VWA5B1: variants seen among roughly 807,000 people sequenced by gnomAD.
VWA5B1 encodes von Willebrand factor A domain-containing protein 5B1.
Under a neutral mutation model 118.2 loss-of-function variants are expected in VWA5B1, and 115 were observed. The observed-to-expected ratio is 0.97, with a 90% CI of 0.84 to 1.14. The LOEUF (loss-of-function observed/expected upper bound fraction) is 1.14, where lower values mean the gene tolerates loss of function less well. Among genes scored for constraint, VWA5B1 ranks in the 50% most tolerant of loss-of-function variants. The probability of loss-of-function intolerance (pLI) is 0.00; values close to 1 mark genes in which losing one functional copy is unlikely to be tolerated. For missense variants in VWA5B1, 1,596 were observed against 1,603.8 expected, an observed-to-expected ratio of 1.00 and a Z score of 0.08; for synonymous variants, 682 against 658.4, an observed-to-expected ratio of 1.04 and a Z score of -0.55.
At chr1:20,294,146 A>C (rs1383311549) in intron 1 of VWA5B1, 2 of 152,210 alleles carry the variant, frequency 1.3e-5, no homozygotes, top group Admixed American at 1.3e-4. Context: ...GTCATCAATT[A>C]CCCAAGCTTA....
At chr1:20,341,607 A>T (rs1383354991) in intron 14 of VWA5B1, among the ~76,000 whole-genome samples, 1 of 152,240 alleles carries the variant, frequency 6.6e-6, no homozygotes, top group Admixed American at 6.5e-5. Context: ...AACGGCCTGC[A>T]AATGCCCTTA....
rs1424541178 is a variant in VWA5B1, at chr1:20,354,008, A to T, written c.3393A>T (p.Ala1131=). ...AKGKLGLEPR[A]VVEHTGKLWA... ...GCAAGCTGGGCCTGGAGCCGAGGGC[A>T]GTGGTGGAGCACACTGGGAAGCTGT... Residue 1131 remains alanine, a synonymous_variant, in exon 22 of 22, where the codon GCA becomes GCT. Transcript: ENST00000289815. The T allele has an allele frequency of 6.4e-7, 1 of 1,551,734 alleles. No homozygotes were observed.
chr1:20,345,566 C>T lies in VWA5B1; in HGVS notation c.2737C>T (p.Pro913Ser). The change falls in exon 17 of 22, where the codon CCC (proline) becomes TCC (serine). Residue 913 changes from proline (P) to serine (S), a missense_variant. Transcript: ENST00000289815. ...PVDVSKSRYLPTVVEYPNSGA... is the reference protein window; with the variant it reads ...PVDVSKSRYLSTVVEYPNSGA... The stretch of plus-strand genomic sequence containing the variant: ...GGACGTGAGCAAGAGCCGGTACCTG[C>T]CCACCGTGGTGGAGTACCCCAACTC... 2 of 1,550,386 alleles carry T rather than the reference C, an allele frequency of 1.3e-6. No homozygotes were observed. The highest frequency in any genetic ancestry group is 1.2e-5 in the South Asian group (1 of 83,986).
chr1:20,323,477 T>A lies in VWA5B1; in HGVS notation c.1088T>A (p.Ile363Asn). The change falls in exon 8 of 22, where the codon ATC becomes AAC. Residue 363 changes from isoleucine to asparagine, a missense_variant. Ile to Asn is a moderately radical substitution (Grantham distance 149). Transcript: ENST00000289815. ...PCLRKAHGEF[I>N]FLIDRSSSMS... is the part of the protein sequence containing the mutation. Reference sequence around the variant, plus strand: ...CTGAGAAAGGCCCACGGGGAGTTCATCTTCCTCATTGACAGGAGCAGCAGC... The same window carrying A: ...CTGAGAAAGGCCCACGGGGAGTTCAACTTCCTCATTGACAGGAGCAGCAGC... 6.5e-7 allele frequency: 1 copy of A among 1,532,898 alleles called. No individual in the cohort carries two copies. Among genetic ancestry groups the A allele is most frequent in the Non-Finnish European group, 8.8e-7 (1 of 1,138,450 alleles). 95.0% of individuals were successfully genotyped at this position (1,532,898 alleles called of 1,614,324 possible). A position where few individuals can be genotyped will look rare whatever the true frequency, so the allele number is the denominator to read the frequency against.
chr1:20,342,129 CA>C (rs60635945), intron 14 of VWA5B1, among the ~76,000 whole-genome samples: 4,606 of 139,046 alleles, frequency 0.033, 87 homozygotes, highest in African/African-American at 0.055. Flanking sequence ...AACTTTATGG[CA>C]AAAAAAAAAA....
chr1:20,345,910 A>G (rs1437429855), intron 17 of VWA5B1, among the ~76,000 whole-genome samples: 1 of 152,268 alleles, frequency 6.6e-6, no homozygotes, highest in Non-Finnish European at 1.5e-5. Context: ...AAGATATAAA[A>G]TGTAAAAAAT....
At chr1:20,303,029 TAGA>T (rs1348491420) in intron 1 of VWA5B1, 1 of 152,208 alleles carries the variant, frequency 6.6e-6, no homozygotes, top group Non-Finnish European at 1.5e-5. Flanking sequence ...CCCAGAATTC[TAGA>T]AGGTTAGGAC....
Position 20,336,451 on chromosome 1 carries a change from C to A in VWA5B1, c.1907C>A (p.Ala636Asp), listed in dbSNP as rs147563081. The A allele has an allele frequency of 3.8e-3, 5,624 of 1,477,336 alleles. 15 individuals carry two copies. The highest frequency in any genetic ancestry group is 4.6e-3 in the Non-Finnish European group (5,049 of 1,107,142). 91.5% of individuals were successfully genotyped at this position (1,477,336 alleles called of 1,614,324 possible). A position where few individuals can be genotyped will look rare whatever the true frequency, so the allele number is the denominator to read the frequency against. Reference protein sequence around the residue: ...APFILGQAKNARLASGDSTTK... With the variant: ...APFILGQAKNDRLASGDSTTK... ...TTCATCCTAGGGCAGGCCAAAAATGCCCGGCTAGCCAGCGGAGACTCTACC... is the reference window on the plus strand; with the variant it reads ...TTCATCCTAGGGCAGGCCAAAAATGACCGGCTAGCCAGCGGAGACTCTACC... The change falls in exon 13 of 22, where the codon GCC becomes GAC. Residue 636 changes from alanine to aspartate, a missense_variant. Physicochemically the swap from Ala to Asp is moderately radical, Grantham distance 126. Transcript: ENST00000289815.
intron 8 of VWA5B1, among the ~76,000 whole-genome samples, chr1:20,326,559 G>A (rs1046963645): frequency 2.0e-5 from 3 of 152,140 alleles, no homozygotes; most frequent in East Asian, 1.9e-4. Flanking sequence ...TCCGCCTCCC[G>A]GGTTCAAGCA....
chr1:20,293,509 G>T (rs923267944), intron 1 of VWA5B1, among the ~76,000 whole-genome samples: 1 of 152,144 alleles, frequency 6.6e-6, no homozygotes, highest in Non-Finnish European at 1.5e-5. Flanking sequence ...GTACCCCGAT[G>T]GTTCCCTCTA....
chr1:20,302,123 T>C (rs1001986364), intron 1 of VWA5B1, among the ~76,000 whole-genome samples: 4 of 152,102 alleles, frequency 2.6e-5, no homozygotes, highest in African/African-American at 7.2e-5. Flanking sequence ...GGCCCCAGCC[T>C]CCTGTCCAGA....
At chr1:20,327,806 G>C in intron 8 of VWA5B1, 84 bp from the exon 9 acceptor site, 1 of 1,177,140 alleles carries the variant, frequency 8.5e-7, no homozygotes, top group Non-Finnish European at 1.2e-6. Flanking sequence ...CTGCTCGTGT[G>C]CTGGGAAAGG....
intron 3 of VWA5B1, among the ~76,000 whole-genome samples, chr1:20,313,888 G>A (rs1488655000): frequency 6.6e-6 from 1 of 152,168 alleles, no homozygotes; most frequent in Non-Finnish European, 1.5e-5. Context: ...GCCCAGATCA[G>A]GGACCAAGGA....
chr1:20,333,818 T>C (rs1316971857), intron 12 of VWA5B1, among the ~76,000 whole-genome samples: 1 of 152,240 alleles, frequency 6.6e-6, no homozygotes. Flanking sequence ...TCTTTCCTCT[T>C]TCGTGAGTCT....
chr1:20,292,392 G>A (rs2088328588), intron 1 of VWA5B1, among the ~76,000 whole-genome samples: 1 of 152,190 alleles, frequency 6.6e-6, no homozygotes, highest in African/African-American at 2.4e-5. Context: ...AGCTGGGTTG[G>A]CCGGTGGGGC....
intron 5 of VWA5B1, chr1:20,318,350 C>T (rs938730380): frequency 7.7e-5 from 45 of 580,866 alleles, no homozygotes; most frequent in Admixed American, 1.1e-4. Flanking sequence ...GCAACTCCTC[C>T]GACCCCCACT....
rs145284945 is a variant in VWA5B1, at chr1:20,322,237, T to A, written c.967-1119T>A. On this transcript the variant is annotated intron_variant, in intron 7 of 21. Transcript: ENST00000289815. ...TTGGTTTGAACAACTGGGTGGGTGG[T>A]GATGTCATCTATTGAGATGGGGAAG... Among the ~76,000 whole-genome samples the A allele has an allele frequency of 3.9e-5, 6 of 152,170 alleles. No homozygotes were observed. The East Asian group carries it at 1.2e-3, about 29-fold the overall frequency.
chr1:20,306,671 G>A (rs1050814289), intron 1 of VWA5B1, among the ~76,000 whole-genome samples: 4 of 152,136 alleles, frequency 2.6e-5, no homozygotes, highest in African/African-American at 4.8e-5. Context: ...TATGTGCCAG[G>A]CATAAATATG....
At chr1:20,305,058 G>A (rs1264239720) in intron 1 of VWA5B1, among the ~76,000 whole-genome samples, 2 of 152,114 alleles carry the variant, frequency 1.3e-5, no homozygotes, top group African/African-American at 4.8e-5. Flanking sequence ...ACAAAATCCT[G>A]GCCCTCACAG....
Sources: allele counts gnomAD v4.1 joint callset (sites outside exome capture counted in the v4.1 genomes callset), GRCh38; gene constraint gnomAD v4.1.1; transcripts MANE v1.5; gene names NCBI Gene and HGNC (gene_info 2026-07-23, HGNC 2026-07-21).